Variants in MYO9B observed in about 807,000 individuals in gnomAD.
The protein encoded by MYO9B is unconventional myosin-IXb.
MYO9B carries 71 observed loss-of-function variants against 229.5 expected under a neutral mutation model. The observed-to-expected ratio is 0.31, with a 90% CI of 0.26 to 0.38. The LOEUF (loss-of-function observed/expected upper bound fraction) is 0.38, where lower values mean the gene tolerates loss of function less well. Among genes scored for constraint, MYO9B ranks in the 10% least tolerant of loss-of-function variants. MYO9B has a pLI of 1.00. For missense variants in MYO9B, 2,255 were observed against 2,920.5 expected (o/e 0.77, Z 5.25); for synonymous variants, 1,185 against 1,235.8 (o/e 0.96, Z 0.86).
chr19:17,134,317 C>T (rs2072239456), intron 2 of MYO9B, among the ~76,000 whole-genome samples: 1 of 150,732 alleles, frequency 6.6e-6, no homozygotes, highest in Non-Finnish European at 1.5e-5. Context: ...AACATAGTAT[C>T]CCTCAGCTTC....
intron 2 of MYO9B, among the ~76,000 whole-genome samples, chr19:17,130,568 C>T (rs1032335727): frequency 6.6e-6 from 1 of 151,418 alleles, no homozygotes; most frequent in Non-Finnish European, 1.5e-5. Context: ...TGGAGTGAGC[C>T]GAGATCGTGC....
At chr19:17,133,679 TG>T (rs1276150382) in intron 2 of MYO9B, among the ~76,000 whole-genome samples, 5 of 152,230 alleles carry the variant, frequency 3.3e-5, no homozygotes, top group African/African-American at 1.2e-4. Flanking sequence ...CTCAAACTCC[TG>T]GCCTCAAGCG....
intron 31 of MYO9B, 76 bp from the exon 32 acceptor site, chr19:17,205,884 G>T: frequency 7.1e-7 from 1 of 1,407,150 alleles, no homozygotes; most frequent in South Asian, 1.4e-5. Flanking sequence ...GCGGGACCAG[G>T]AGGCAGAGGC....
intron 9 of MYO9B, 31 bp from the exon 10 acceptor site, chr19:17,162,957 G>A (rs201990748): frequency 5.0e-4 from 801 of 1,599,894 alleles, no homozygotes; most frequent in Non-Finnish European, 6.3e-4. Flanking sequence ...GTGCACCTGC[G>A]GGCAGTGACC....
rs1311602681 is a variant in MYO9B, at chr19:17,209,708, C to T, written c.5747C>T (p.Ala1916Val). The change falls in exon 36 of 40, where the codon GCT (alanine) becomes GTT (valine). Residue 1916 changes from alanine (A) to valine (V), a missense_variant and splice_region_variant. Around this residue, in one of 7 missense-constraint regions of MYO9B, gnomAD observed 416 missense variants for 605.5 expected, o/e 0.69. Coordinates refer to ENST00000682292, the MANE Select transcript of MYO9B (RefSeq NM_004145.4). ...FRRLSLLRQN[A>V]PWPLKLGFSS... Reference sequence around the variant, plus strand: ...AGGCTTTCGCTCCTGCGACAAAATGCTGTGAGTACCGGTGATCGTGGGGGC... The same window carrying T: ...AGGCTTTCGCTCCTGCGACAAAATGTTGTGAGTACCGGTGATCGTGGGGGC... 2 of 1,613,546 alleles carry T rather than the reference C, an allele frequency of 1.2e-6. No individual in the cohort carries two copies. Among genetic ancestry groups the T allele is most frequent in the Non-Finnish European group, 1.7e-6 (2 of 1,179,756 alleles).
intron 7 of MYO9B, chr19:17,157,257 T>G (rs936300415): frequency 1.9e-6 from 1 of 521,726 alleles, no homozygotes; most frequent in Non-Finnish European, 3.2e-6. Context: ...GAAAGCCTCT[T>G]TAAAACTACA....
Position 17,210,807 on chromosome 19 carries a change from G to T in MYO9B, c.5889G>T (p.Lys1963Asn). 6.3e-7 allele frequency: 1 copy of T among 1,597,270 alleles called. No individual in the cohort carries two copies. The highest frequency in any genetic ancestry group is 8.5e-7 in the Non-Finnish European group (1 of 1,172,546). Reference protein sequence around the residue: ...EAAGGDEDREKEILIERIQSI... With the variant: ...EAAGGDEDRENEILIERIQSI... ...CCGGCGGCGATGAGGACCGGGAAAAGGAGATTCTCATTGAACGGATCCAGT... is the reference window on the plus strand; with the variant it reads ...CCGGCGGCGATGAGGACCGGGAAAATGAGATTCTCATTGAACGGATCCAGT... Residue 1963 changes from lysine (K) to asparagine (N), a missense_variant, in exon 38 of 40, where the codon AAG becomes AAT. Physicochemically the swap from Lys to Asn is moderately conservative, Grantham distance 94. This residue lies in a region of MYO9B where 331 missense variants were observed against 332.5 expected (regional missense o/e 1.00). Transcript: ENST00000682292.
intron 20 of MYO9B, among the ~76,000 whole-genome samples, chr19:17,191,919 T>C (rs1051484944): frequency 2.0e-5 from 3 of 151,870 alleles, no homozygotes; most frequent in Non-Finnish European, 2.9e-5. Context: ...ATTGCACCAC[T>C]GCACTTCAGC....
chr19:17,199,629 T>C (rs2073084288), intron 24 of MYO9B, among the ~76,000 whole-genome samples: 1 of 151,564 alleles, frequency 6.6e-6, no homozygotes, highest in African/African-American at 2.4e-5. Context: ...TTCTCCTGCC[T>C]CAGCCTCCCA....
intron 1 of MYO9B, among the ~76,000 whole-genome samples, chr19:17,085,594 C>A (rs1241626170): frequency 2.0e-5 from 3 of 151,566 alleles, no homozygotes; most frequent in Non-Finnish European, 4.4e-5. Flanking sequence ...GAGGCTGAGG[C>A]AGGAGAATCA....
In MYO9B at chr19:17,192,795, G is replaced by A. The variant is rs766201555; in HGVS notation, c.2861G>A (p.Arg954Gln). The change falls in exon 21 of 40, where the codon CGG becomes CAG. Residue 954 changes from arginine to glutamine, a missense_variant. Arg to Gln is a conservative substitution (Grantham distance 43). Around this residue, in one of 7 missense-constraint regions of MYO9B, gnomAD observed 679 missense variants for 770.2 expected, o/e 0.88. Transcript: ENST00000682292. The stretch of plus-strand genomic sequence containing the variant: ...CAAGCCCTGCAGGAGACGCTGCACC[G>A]GGAGGTGGTGCGGAAAATCCTGCTG... Reference protein sequence around the residue: ...ERQALQETLHREVVRKILLLQ... With the variant: ...ERQALQETLHQEVVRKILLLQ... 7.1e-5 allele frequency: 111 copies of A among 1,558,792 alleles called. No homozygotes were observed. Among genetic ancestry groups the A allele is most frequent in the Admixed American group, 5.0e-4 (26 of 52,130 alleles).
At chr19:17,080,479 GTC>G (rs2057524599) in intron 1 of MYO9B, among the ~76,000 whole-genome samples, 1 of 152,146 alleles carries the variant, frequency 6.6e-6, no homozygotes, top group African/African-American at 2.4e-5. Context: ...CTCTGTGCCT[GTC>G]TCTGTGTCCA....
intron 15 of MYO9B, 90 bp from the exon 16 acceptor site, chr19:17,183,739 T>G: frequency 1.7e-6 from 2 of 1,152,014 alleles, no homozygotes; most frequent in Non-Finnish European, 2.5e-6. Flanking sequence ...TGTCTCTCAG[T>G]CTAACCCGCC....
intron 14 of MYO9B, among the ~76,000 whole-genome samples, chr19:17,176,268 C>T (rs2072788559): frequency 6.6e-6 from 1 of 151,690 alleles, no homozygotes; most frequent in African/African-American, 2.4e-5. Flanking sequence ...GATCTCCTGA[C>T]CTCGTGATCC....
chr19:17,212,262 TCCC>T lies in MYO9B; in HGVS notation c.6429_6431del (p.Pro2144del), dbSNP rs945720227. 6.4e-7 allele frequency: 1 copy of T among 1,568,194 alleles called. No homozygotes were observed. The highest frequency in any genetic ancestry group is 1.4e-5 in the African/African-American group (1 of 73,372). ...CTGGGGCCAAGCGGAGGTACTCGGA[TCCC>T]CCAACGTACTGCCTGCCCCCCGCCT... On this transcript the variant is annotated inframe_deletion, in exon 40 of 40. Transcript: ENST00000682292. The surrounding 1 kb of genome is among the most constrained non-coding windows in gnomAD (Gnocchi z 5.4).
chr19:17,105,298 A>T (rs1324882897), intron 2 of MYO9B, among the ~76,000 whole-genome samples: 1 of 147,530 alleles, frequency 6.8e-6, no homozygotes, highest in Non-Finnish European at 1.5e-5. Context: ...CCTGGGCAAC[A>T]TAACAAGACC....
intron 26 of MYO9B, 44 bp from the exon 27 acceptor site, chr19:17,201,882 C>A: frequency 6.7e-7 from 1 of 1,485,950 alleles, no homozygotes; most frequent in Non-Finnish European, 9.3e-7. Flanking sequence ...GTACGCAGGT[C>A]CCCAGGCCTG....
rs191815797 is a variant in MYO9B, at chr19:17,106,538, C to T, written c.840+3981C>T. ...CAGCCACAGTGAAACTGCCAGTGGCCCCAGTGTCCTCCCAGCAGGTGGCCA... is the reference window on the plus strand; with the variant it reads ...CAGCCACAGTGAAACTGCCAGTGGCTCCAGTGTCCTCCCAGCAGGTGGCCA... On this transcript the variant is annotated intron_variant, in intron 2 of 39. Coordinates refer to ENST00000682292, the MANE Select transcript of MYO9B (RefSeq NM_004145.4). Among the ~76,000 whole-genome samples the T allele has an allele frequency of 1.7e-3, 252 of 152,322 alleles. 1 individual carries two copies. Among genetic ancestry groups the T allele is most frequent in the African/African-American group, 5.9e-3 (244 of 41,582 alleles).
chr19:17,198,048 G>A (rs2073065853), intron 23 of MYO9B, 136 bp from the exon 24 acceptor site: 3 of 1,399,436 alleles, frequency 2.1e-6, no homozygotes, highest in Admixed American at 2.4e-5. Context: ...GGCAACTAGA[G>A]TGAGACTCCG....
Sources: gnomAD v4.1 joint callset for allele counts (sites outside exome capture counted in the v4.1 genomes callset) on GRCh38, gnomAD v4.1.1 for gene constraint, gnomAD v4.1.1 regional missense constraint, Gnocchi (gnomAD v3.1) non-coding constraint, MANE v1.5 for transcripts, NCBI Gene and HGNC (gene_info 2026-07-23, HGNC 2026-07-21) for gene names.